The following LRP12 variants were observed in gnomAD, a reference collection of about 807,000 sequenced individuals.
LRP12 encodes LDL receptor related protein 12, also known as low-density lipoprotein receptor-related protein 12.
A neutral mutation model predicts 66.0 loss-of-function variants in LRP12; 14 were observed. That is an observed-to-expected ratio of 0.21 (90% CI 0.14 to 0.33). The LOEUF is 0.33. Among genes scored for constraint, LRP12 ranks in the 10% least tolerant of loss-of-function variants. The pLI is 1.00. For synonymous variants in LRP12, 357 were observed against 359.1 expected, an observed-to-expected ratio of 0.99 and a Z score of 0.07; for missense variants, 889 against 1,053.4, an observed-to-expected ratio of 0.84 and a Z score of 2.16.
intron 1 of LRP12, among the ~76,000 whole-genome samples, chr8:104,586,269 C>A (rs561970297): frequency 3.3e-5 from 5 of 152,306 alleles, no homozygotes; most frequent in Admixed American, 3.3e-4. Context: ...ATAAAATCGT[C>A]ATCTGGAAAG....
At chr8:104,557,975 C>G (rs1306227594) in intron 1 of LRP12, among the ~76,000 whole-genome samples, 1 of 152,044 alleles carries the variant, frequency 6.6e-6, no homozygotes, top group Non-Finnish European at 1.5e-5. Flanking sequence ...TCTGGGAGGC[C>G]AAAGCGGGAG....
chr8:104,551,555 C>T (rs1027180325), intron 1 of LRP12, among the ~76,000 whole-genome samples: 6 of 152,060 alleles, frequency 3.9e-5, no homozygotes, highest in Non-Finnish European at 7.4e-5. Context: ...GTCTACTGTT[C>T]CCATCTTTAC....
intron 1 of LRP12, among the ~76,000 whole-genome samples, chr8:104,546,819 C>T (rs1235523576): frequency 1.3e-5 from 2 of 149,940 alleles, no homozygotes; most frequent in African/African-American, 4.9e-5. Flanking sequence ...ACTACCTTCC[C>T]CTGTCATTCG....
intron 1 of LRP12, among the ~76,000 whole-genome samples, chr8:104,566,657 A>C (rs568213004): frequency 2.0e-5 from 3 of 152,302 alleles, no homozygotes; most frequent in East Asian, 3.9e-4. Context: ...TTGAACAGAG[A>C]GGTTGTGGGA....
At chr8:104,521,218 C>T (rs563529306) in intron 2 of LRP12, among the ~76,000 whole-genome samples, 64 of 151,840 alleles carry the variant, frequency 4.2e-4, no homozygotes, top group African/African-American at 1.4e-3. Flanking sequence ...TGAAATGCTC[C>T]AATGAGCATT....
intron 6 of LRP12, among the ~76,000 whole-genome samples, chr8:104,493,979 T>C (rs1810680778): frequency 6.6e-6 from 1 of 152,212 alleles, no homozygotes; most frequent in Non-Finnish European, 1.5e-5. Context: ...TTTTTGAGTG[T>C]TCCTAGTAAA....
At chr8:104,521,011 C>A (rs1270772759) in intron 2 of LRP12, among the ~76,000 whole-genome samples, 1 of 152,036 alleles carries the variant, frequency 6.6e-6, no homozygotes, top group Admixed American at 6.6e-5. Flanking sequence ...CACAATACAA[C>A]CTGTTCTGTC....
intron 1 of LRP12, among the ~76,000 whole-genome samples, chr8:104,557,342 G>C (rs113267347): frequency 6.6e-6 from 1 of 152,032 alleles, no homozygotes. Flanking sequence ...TCAAACTGTC[G>C]CTGTTTGCCA....
intron 1 of LRP12, among the ~76,000 whole-genome samples, chr8:104,580,008 C>A (rs1467340298): frequency 6.6e-6 from 1 of 152,022 alleles, no homozygotes; most frequent in East Asian, 1.9e-4. Context: ...CCATTCTAGA[C>A]ACAAAAATAG....
At position 104,497,428 on chromosome 8, in the gene LRP12, C is replaced by T; in HGVS notation, c.1124G>A (p.Cys375Tyr). Residue 375 changes from cysteine to tyrosine, a missense_variant, in exon 5 of 7, where the codon TGT becomes TAT. By Grantham distance (194) the Cys-to-Tyr change is radical. Transcript: ENST00000276654. The surrounding 1 kb of genome is among the most constrained non-coding windows in gnomAD (Gnocchi z 4.3). The part of the protein sequence containing the change: ...FNATYQVDGF[C>Y]LPWEIPCGGN... ...TCCACAGGGTATTTCCCATGGCAAA[C>T]AGAACCCATCTACTTGGTAAGTAGC... 6.2e-7 allele frequency: 1 copy of T among 1,614,140 alleles called. No individual in the cohort carries two copies. Among genetic ancestry groups the T allele is most frequent in the East Asian group, 2.2e-5 (1 of 44,882 alleles).
chr8:104,513,742 C>T (rs1203113391), intron 2 of LRP12, among the ~76,000 whole-genome samples: 1 of 152,116 alleles, frequency 6.6e-6, no homozygotes, highest in Non-Finnish European at 1.5e-5. Context: ...CTGTCCTTGG[C>T]CAGCCAGCCA....
At chr8:104,556,535 C>G (rs1398111407) in intron 1 of LRP12, among the ~76,000 whole-genome samples, 10 of 151,894 alleles carry the variant, frequency 6.6e-5, no homozygotes, top group East Asian at 1.9e-4. Flanking sequence ...AATGAGAAAA[C>G]CTAGAGAAGA....
intron 1 of LRP12, among the ~76,000 whole-genome samples, chr8:104,548,010 T>C (rs1443310741): frequency 8.7e-6 from 1 of 115,466 alleles, no homozygotes; most frequent in African/African-American, 3.4e-5. Flanking sequence ...ATATAATATA[T>C]AATTGTTATA....
At chr8:104,511,567 C>T (rs553571920) in intron 2 of LRP12, among the ~76,000 whole-genome samples, 1 of 151,976 alleles carries the variant, frequency 6.6e-6, no homozygotes, top group South Asian at 2.1e-4. Context: ...ATACACTTTT[C>T]AATTTAGGTT....
chr8:104,575,187 G>C (rs1812146435), intron 1 of LRP12, among the ~76,000 whole-genome samples: 1 of 152,182 alleles, frequency 6.6e-6, no homozygotes, highest in Non-Finnish European at 1.5e-5. Flanking sequence ...CCTGCTTGCA[G>C]GGCACAGAGA....
chr8:104,500,142 A>G (rs1304260395), intron 3 of LRP12, among the ~76,000 whole-genome samples: 2 of 152,232 alleles, frequency 1.3e-5, no homozygotes, highest in Non-Finnish European at 2.9e-5. Context: ...TATAGGCCAA[A>G]AACATCAAAT....
At chr8:104,544,369 T>C (rs1045224672) in intron 1 of LRP12, among the ~76,000 whole-genome samples, 2 of 152,200 alleles carry the variant, frequency 1.3e-5, no homozygotes, top group Admixed American at 1.3e-4. Flanking sequence ...GCAAGTTATC[T>C]AGAAGATCTA....
At position 104,532,336 on chromosome 8, in the gene LRP12, C is replaced by T. The variant is rs540465572; in HGVS notation, c.80-373G>A. ...AAGCGTGTCCAAATCAGCCACAAGT[C>T]GGTGTAATATCTGTCAGGGCCACAT... On this transcript the variant is annotated intron_variant, in intron 1 of 6. Coordinates refer to ENST00000276654, the MANE Select transcript of LRP12 (RefSeq NM_013437.5). Among the ~76,000 whole-genome samples, 9 of 147,952 alleles carry T rather than the reference C, an allele frequency of 6.1e-5. No homozygotes were observed. In the East Asian group the frequency reaches 1.2e-3, roughly 19 times the overall value.
chr8:104,533,633 C>T (rs1316805847), intron 1 of LRP12, among the ~76,000 whole-genome samples: 1 of 151,976 alleles, frequency 6.6e-6, no homozygotes, highest in Non-Finnish European at 1.5e-5. Context: ...CTAATGTTTC[C>T]AGTATCTGTA....
Sources: allele counts gnomAD v4.1 joint callset (sites outside exome capture counted in the v4.1 genomes callset), GRCh38; gene constraint gnomAD v4.1.1; non-coding constraint Gnocchi (gnomAD v3.1); transcripts MANE v1.5; gene names NCBI Gene and HGNC (gene_info 2026-07-23, HGNC 2026-07-21).